Variants in HDAC9 observed in about 807,000 individuals in gnomAD.
HDAC9 encodes histone deacetylase 9.
In HDAC9, 41 loss-of-function variants were observed where a neutral mutation model predicts 139.4. The ratio of observed to expected loss-of-function variants is 0.29; its 90% CI spans 0.23 to 0.38. The LOEUF is 0.38. Among genes scored for constraint, HDAC9 ranks in the 10% least tolerant of loss-of-function variants. The pLI, the probability that HDAC9 is intolerant of heterozygous loss-of-function variation, is 1.00. For synonymous variants in HDAC9, 517 were observed against 476.2 expected (o/e 1.09, Z -1.12); for missense variants, 1,147 against 1,297.0 (o/e 0.88, Z 1.78).
chr7:18,725,492 T>G (rs745669907), intron 12 of HDAC9, among the ~76,000 whole-genome samples: 1 of 152,090 alleles, frequency 6.6e-6, no homozygotes, highest in Non-Finnish European at 1.5e-5. Context: ...AGTCTTTTTG[T>G]GTTAATGTCT....
chr7:18,223,313 A>C (rs958376454), intron 2 of HDAC9, among the ~76,000 whole-genome samples: 1 of 151,804 alleles, frequency 6.6e-6, no homozygotes, highest in Non-Finnish European at 1.5e-5. Flanking sequence ...AAAAGTTGAC[A>C]TATTTACACA....
intron 24 of HDAC9, among the ~76,000 whole-genome samples, chr7:18,972,369 C>CTTTT (rs199909134): frequency 4.5e-4 from 43 of 94,892 alleles, no homozygotes; most frequent in African/African-American, 7.6e-4. Context: ...ATGAACTTCT[C>CTTTT]TTTTTTTTTT....
intron 22 of HDAC9, among the ~76,000 whole-genome samples, chr7:18,881,193 T>C (rs1196950452): frequency 1.3e-5 from 2 of 152,126 alleles, no homozygotes; most frequent in Non-Finnish European, 2.9e-5. Context: ...GTGTACATGC[T>C]TTATCCCAAG....
Position 18,562,198 on chromosome 7 carries a change from G to GA in HDAC9, c.23-23082dup, listed in dbSNP as rs559404540. On this transcript the variant is annotated intron_variant, in intron 2 of 25. Transcript: ENST00000686413. The stretch of plus-strand genomic sequence containing the variant: ...TTGGGTCATTTTTATTTTGATTATT[G>GA]AGTCGTAAGATTTTATTTTATACAC... Among the ~76,000 whole-genome samples the GA allele has an allele frequency of 4.0e-3, 603 of 152,060 alleles. 5 individuals are homozygous for GA. The highest frequency in any genetic ancestry group is 0.014 in the African/African-American group (583 of 41,498).
Position 18,463,380 on chromosome 7 carries a change from G to T in HDAC9, c.-41-32882G>T, listed in dbSNP as rs549394488. ...CCTGCAGGTGTGTGTGTGGGGCAAGGGGAGGTTTTAAATTATGGGTTAGAT... is the reference window on the plus strand; with the variant it reads ...CCTGCAGGTGTGTGTGTGGGGCAAGTGGAGGTTTTAAATTATGGGTTAGAT... On this transcript the variant is annotated intron_variant, in intron 1 of 3. Coordinates refer to the HDAC9 transcript ENST00000413509. 5.3e-5 allele frequency among the ~76,000 whole-genome samples: 8 copies of T among 151,974 alleles called. No individual in the cohort carries two copies. The South Asian group carries it at 1.7e-3, about 32-fold the overall frequency.
chr7:18,356,194 G>A (rs556652635), intron 1 of HDAC9, among the ~76,000 whole-genome samples: 67 of 151,970 alleles, frequency 4.4e-4, no homozygotes, highest in South Asian at 1.2e-3. Flanking sequence ...AGAATTTCCC[G>A]TACATGATAT....
intron 1 of HDAC9, among the ~76,000 whole-genome samples, chr7:18,398,742 G>A (rs975295005): frequency 1.3e-5 from 2 of 152,062 alleles, no homozygotes; most frequent in African/African-American, 4.8e-5. Flanking sequence ...GTGCTGTTGA[G>A]CTAAGACTCT....
intron 1 of HDAC9, among the ~76,000 whole-genome samples, chr7:18,295,390 C>T (rs1480561567): frequency 6.6e-6 from 1 of 152,062 alleles, no homozygotes; most frequent in Non-Finnish European, 1.5e-5. Context: ...TCATGGAGCT[C>T]ATTGACATAA....
chr7:18,598,394 A>G (rs565034580), intron 6 of HDAC9, among the ~76,000 whole-genome samples: 477 of 152,240 alleles, frequency 3.1e-3, no homozygotes, highest in African/African-American at 0.01. Flanking sequence ...TGAATCTTAT[A>G]CTAGTTTTCT....
At chr7:18,366,512 A>G (rs1784192112) in intron 1 of HDAC9, among the ~76,000 whole-genome samples, 1 of 152,116 alleles carries the variant, frequency 6.6e-6, no homozygotes, top group South Asian at 2.1e-4. Context: ...CTTCAGTCAC[A>G]TTTGGCCAGG....
chr7:18,806,779 G>A (rs572336299), intron 17 of HDAC9, among the ~76,000 whole-genome samples: 9 of 152,132 alleles, frequency 5.9e-5, no homozygotes, highest in Admixed American at 1.3e-4. Flanking sequence ...GTTATATCAC[G>A]TTTATTGAAT....
At chr7:18,169,457 TTTTC>T (rs1272598018) in intron 2 of HDAC9, among the ~76,000 whole-genome samples, 44 of 152,222 alleles carry the variant, frequency 2.9e-4, no homozygotes, top group East Asian at 5.8e-4. Context: ...ATCAGTTTTT[TTTTC>T]TTTTTTTTTA....
intron 2 of HDAC9, among the ~76,000 whole-genome samples, chr7:18,220,291 A>G (rs758942298): frequency 5.3e-5 from 8 of 152,174 alleles, no homozygotes; most frequent in South Asian, 2.1e-4. Context: ...TCGCATTGCT[A>G]TAAAAGTTTG....
At chr7:18,245,704 G>A (rs1794479293) in intron 2 of HDAC9, among the ~76,000 whole-genome samples, 1 of 152,142 alleles carries the variant, frequency 6.6e-6, no homozygotes, top group Non-Finnish European at 1.5e-5. Context: ...CTAAATTTGA[G>A]AAGAATAAGA....
chr7:18,124,187 C>T (rs1297511820), intron 1 of HDAC9, among the ~76,000 whole-genome samples: 1 of 152,164 alleles, frequency 6.6e-6, no homozygotes, highest in African/African-American at 2.4e-5. Context: ...CTTCTGTCAT[C>T]ACTTTGCCGA....
intron 2 of HDAC9, among the ~76,000 whole-genome samples, chr7:18,497,519 T>C (rs1455939546): frequency 4.6e-5 from 7 of 152,162 alleles, no homozygotes; most frequent in Non-Finnish European, 1.0e-4. Flanking sequence ...GAATAAAATA[T>C]CAATTTTGCA....
chr7:18,409,569 C>T lies in HDAC9; in HGVS notation c.-41-86693C>T, dbSNP rs187689763. Among the ~76,000 whole-genome samples the T allele has an allele frequency of 1.3e-3, 198 of 152,266 alleles. 1 individual carries two copies. Among genetic ancestry groups the T allele is most frequent in the Middle Eastern group, 0.01 (3 of 294 alleles). Reference sequence around the variant, plus strand: ...GCCCTTGTCTCAGAAATTGCTTCTACCACATGAAATACTGTAAATCTGTCA... The same window carrying T: ...GCCCTTGTCTCAGAAATTGCTTCTATCACATGAAATACTGTAAATCTGTCA... On this transcript the variant is annotated intron_variant, in intron 1 of 3. Coordinates refer to the HDAC9 transcript ENST00000413509.
At chr7:18,387,831 T>A (rs143958032) in intron 1 of HDAC9, among the ~76,000 whole-genome samples, 1 of 152,192 alleles carries the variant, frequency 6.6e-6, no homozygotes, top group Non-Finnish European at 1.5e-5. Flanking sequence ...TGTTGGGGAC[T>A]GTGTTTGTGA....
chr7:18,540,103 C>CAA (rs34620445), intron 2 of HDAC9, among the ~76,000 whole-genome samples: 39 of 58,426 alleles, frequency 6.7e-4, no homozygotes, highest in African/African-American at 1.0e-3. Context: ...ACTAAAAATA[C>CAA]AAAAAAAAAA....
Sources: allele counts gnomAD v4.1 joint callset (sites outside exome capture counted in the v4.1 genomes callset), GRCh38; gene constraint gnomAD v4.1.1; transcripts MANE v1.5; gene names NCBI Gene and HGNC (gene_info 2026-07-23, HGNC 2026-07-21).